Variants in FBXL7 observed in about 807,000 individuals in gnomAD.
The protein encoded by FBXL7 is F-box and leucine rich repeat protein 7.
FBXL7 carries 12 observed loss-of-function variants against 38.3 expected under a neutral mutation model. The ratio of observed to expected loss-of-function variants is 0.31; its 90% CI spans 0.20 to 0.51. The LOEUF (loss-of-function observed/expected upper bound fraction) is 0.51, where lower values mean the gene tolerates loss of function less well. Among genes scored for constraint, FBXL7 ranks in the 20% least tolerant of loss-of-function variants. FBXL7 has a pLI of 0.98. For missense variants in FBXL7, 567 were observed against 676.4 expected (o/e 0.84, Z 1.79); for synonymous variants, 297 against 300.9 (o/e 0.99, Z 0.13).
intron 2 of FBXL7, among the ~76,000 whole-genome samples, chr5:15,812,285 C>A (rs950866262): frequency 6.6e-5 from 10 of 151,996 alleles, no homozygotes; most frequent in Non-Finnish European, 1.0e-4. Context: ...GGGAGTTGAA[C>A]AACGAGAACA....
At chr5:15,737,379 G>C (rs1735783996) in intron 2 of FBXL7, among the ~76,000 whole-genome samples, 1 of 152,138 alleles carries the variant, frequency 6.6e-6, no homozygotes, top group Admixed American at 6.5e-5. Flanking sequence ...AGTGACTTCA[G>C]ATCTATAAAA....
At chr5:15,920,947 G>C (rs943316410) in intron 2 of FBXL7, among the ~76,000 whole-genome samples, 7 of 152,152 alleles carry the variant, frequency 4.6e-5, no homozygotes, top group Non-Finnish European at 2.9e-5. Context: ...TATTGCAAAA[G>C]TGTGTGGTCA....
At chr5:15,814,818 C>G (rs1468228411) in intron 2 of FBXL7, among the ~76,000 whole-genome samples, 2 of 152,124 alleles carry the variant, frequency 1.3e-5, no homozygotes, top group Non-Finnish European at 2.9e-5. Context: ...CTTACCCACC[C>G]CAATTGCTTA....
In FBXL7 at chr5:15,515,495, T is replaced by C. The variant is rs150708859; in HGVS notation, c.37+14782T>C. On this transcript the variant is annotated intron_variant, in intron 1 of 3. Coordinates refer to ENST00000504595, the MANE Select transcript of FBXL7 (RefSeq NM_012304.5). ...GCCTGATCCGTTTGCTCAACTGGTG[T>C]GGAAAACAGATACCTCAATCATTCC... Among the ~76,000 whole-genome samples, 3 of 152,316 alleles carry C rather than the reference T, an allele frequency of 2.0e-5. No homozygotes were observed. In the East Asian group the frequency reaches 5.8e-4, roughly 29 times the overall value.
chr5:15,582,181 C>T (rs1384066378), intron 1 of FBXL7, among the ~76,000 whole-genome samples: 1 of 152,166 alleles, frequency 6.6e-6, no homozygotes, highest in Non-Finnish European at 1.5e-5. Context: ...TCAAGTGATC[C>T]ACCCACCTCA....
chr5:15,526,720 A>G (rs897315109), intron 1 of FBXL7, among the ~76,000 whole-genome samples: 12 of 152,200 alleles, frequency 7.9e-5, no homozygotes, highest in African/African-American at 2.9e-4. Flanking sequence ...GAGAGTATGA[A>G]CACATCATCC....
chr5:15,840,663 G>A (rs146612994), intron 2 of FBXL7, among the ~76,000 whole-genome samples: 1,869 of 151,966 alleles, frequency 0.012, 35 homozygotes, highest in African/African-American at 0.041. Context: ...CCTGGCCAGC[G>A]TGGTGAAACC....
chr5:15,590,736 T>C (rs1739446662), intron 1 of FBXL7, among the ~76,000 whole-genome samples: 1 of 152,070 alleles, frequency 6.6e-6, no homozygotes, highest in Non-Finnish European at 1.5e-5. Flanking sequence ...AGTCCTCCCC[T>C]GGACTGTGGA....
At chr5:15,726,601 G>C (rs1744364282) in intron 2 of FBXL7, among the ~76,000 whole-genome samples, 1 of 151,900 alleles carries the variant, frequency 6.6e-6, no homozygotes, top group Non-Finnish European at 1.5e-5. Context: ...TAAGGTGGAA[G>C]AATCACTTGA....
At chr5:15,564,282 A>G (rs1272432606) in intron 1 of FBXL7, among the ~76,000 whole-genome samples, 5 of 151,858 alleles carry the variant, frequency 3.3e-5, no homozygotes, top group Admixed American at 1.3e-4. Flanking sequence ...GATTTTTGCC[A>G]TTTTAGTATA....
At position 15,756,820 on chromosome 5, in the gene FBXL7, T is replaced by TGGATCCAATGCTTAAGA. The variant is rs1736310416; in HGVS notation, c.127+140748_127+140749insGGATCCAATGCTTAAGA. On this transcript the variant is annotated intron_variant, in intron 2 of 3. Coordinates refer to ENST00000504595, the MANE Select transcript of FBXL7 (RefSeq NM_012304.5). ...AAGTTTTCATGGATCCAAGCTATTCTTAAGCATTGTTTAATACTAGAAATA... is the reference window on the plus strand; with the variant it reads ...AAGTTTTCATGGATCCAAGCTATTCTGGATCCAATGCTTAAGATAAGCATTGTTTAATACTAGAAATA... 2.6e-5 allele frequency among the ~76,000 whole-genome samples: 4 copies of TGGATCCAATGCTTAAGA among 152,328 alleles called. No homozygotes were observed. In the South Asian group the frequency reaches 8.3e-4, roughly 32 times the overall value.
chr5:15,609,036 T>A (rs1003618930), intron 1 of FBXL7, among the ~76,000 whole-genome samples: 6 of 152,116 alleles, frequency 3.9e-5, no homozygotes, highest in African/African-American at 1.4e-4. Context: ...GAGGTGGGGT[T>A]TTAAGCCAAC....
rs192874646 is a variant in FBXL7, at chr5:15,756,609, G to A, written c.127+140537G>A. The stretch of plus-strand genomic sequence containing the variant: ...CAAGTAGTTTAAAGCCATATGATTC[G>A]TTTTTATTAGCTGTGCTGTTCTTAA... On this transcript the variant is annotated intron_variant, in intron 2 of 3. Coordinates refer to ENST00000504595, the MANE Select transcript of FBXL7 (RefSeq NM_012304.5). Among the ~76,000 whole-genome samples the A allele has an allele frequency of 1.6e-3, 238 of 152,226 alleles. 1 individual carries two copies. Among genetic ancestry groups the A allele is most frequent in the Middle Eastern group, 6.8e-3 (2 of 294 alleles).
chr5:15,538,504 G>C (rs1039997614), intron 1 of FBXL7, among the ~76,000 whole-genome samples: 1 of 152,188 alleles, frequency 6.6e-6, no homozygotes, highest in Non-Finnish European at 1.5e-5. Context: ...AATTGTATTG[G>C]TAGGACTGGA....
intron 2 of FBXL7, among the ~76,000 whole-genome samples, chr5:15,644,235 G>A (rs2126560626): frequency 6.7e-6 from 1 of 149,324 alleles, no homozygotes; most frequent in South Asian, 2.1e-4. Context: ...GAAGTGGGCG[G>A]ATCACCTGAG....
At chr5:15,930,557 G>T (rs192740392) in intron 3 of FBXL7, among the ~76,000 whole-genome samples, 1 of 152,134 alleles carries the variant, frequency 6.6e-6, no homozygotes. Flanking sequence ...AAATTCTTGC[G>T]CTTCTAGCCT....
intron 2 of FBXL7, among the ~76,000 whole-genome samples, chr5:15,843,608 C>T (rs1024853000): frequency 6.6e-6 from 1 of 152,142 alleles, no homozygotes; most frequent in African/African-American, 2.4e-5. Flanking sequence ...TCTCAAATTG[C>T]AATATCTGAT....
At chr5:15,508,261 TG>T (rs1736699909) in intron 1 of FBXL7, among the ~76,000 whole-genome samples, 1 of 152,166 alleles carries the variant, frequency 6.6e-6, no homozygotes, top group South Asian at 2.1e-4. Context: ...AGTGGTTGTA[TG>T]GGTACTCACA....
chr5:15,885,157 G>A (rs777561196), intron 2 of FBXL7, among the ~76,000 whole-genome samples: 3 of 152,166 alleles, frequency 2.0e-5, no homozygotes, highest in Non-Finnish European at 2.9e-5. Context: ...CGCAGTTGGT[G>A]GCAGGATGCA....
Sources: allele counts gnomAD v4.1 joint callset (sites outside exome capture counted in the v4.1 genomes callset), GRCh38; gene constraint gnomAD v4.1.1; transcripts MANE v1.5; gene names NCBI Gene and HGNC (gene_info 2026-07-23, HGNC 2026-07-21).